The following CA10 variants were observed in gnomAD, a reference collection of about 807,000 sequenced individuals.
CA10 encodes the protein carbonic anhydrase-related protein 10.
CA10 carries 14 observed loss-of-function variants against 44.2 expected under a neutral mutation model. That is an observed-to-expected ratio of 0.32 (90% CI 0.21 to 0.50). The LOEUF (loss-of-function observed/expected upper bound fraction) is 0.50. Among genes scored for constraint, CA10 ranks in the 20% least tolerant of loss-of-function variants. The pLI is 0.99. For synonymous variants in CA10, 159 were observed against 141.6 expected (o/e 1.12, Z -0.87); for missense variants, 350 against 409.7 (o/e 0.85, Z 1.26).
chr17:51,936,767 T>A (rs1982885218), intron 2 of CA10, among the ~76,000 whole-genome samples: 1 of 152,130 alleles, frequency 6.6e-6, no homozygotes, highest in Admixed American at 6.5e-5. Context: ...GGTATCTGCC[T>A]CAGATGGAAC....
At chr17:51,776,499 A>G (rs541442393) in intron 3 of CA10, among the ~76,000 whole-genome samples, 1 of 152,336 alleles carries the variant, frequency 6.6e-6, no homozygotes, top group Non-Finnish European at 1.5e-5. Flanking sequence ...GATCATTTCA[A>G]CAGGTAGTCA....
chr17:51,693,245 T>TTCA (rs1393141236), intron 4 of CA10, among the ~76,000 whole-genome samples: 5 of 152,230 alleles, frequency 3.3e-5, no homozygotes, highest in Non-Finnish European at 5.9e-5. Context: ...TTCAGCTGGC[T>TTCA]TCAACTGGTT....
At chr17:51,878,918 GTGTA>G (rs1249403938) in intron 3 of CA10, among the ~76,000 whole-genome samples, 9 of 124,216 alleles carry the variant, frequency 7.2e-5, no homozygotes, top group Admixed American at 1.6e-4. Context: ...GTGTGTATGT[GTGTA>G]TGTGTGTTTG....
intron 3 of CA10, among the ~76,000 whole-genome samples, chr17:51,909,879 C>T (rs1981718317): frequency 6.6e-6 from 1 of 152,162 alleles, no homozygotes; most frequent in South Asian, 2.1e-4. Flanking sequence ...ACCACCTTCT[C>T]TATTTTCACT....
intron 3 of CA10, among the ~76,000 whole-genome samples, chr17:51,873,424 C>T (rs797017939): frequency 2.0e-5 from 3 of 152,296 alleles, no homozygotes; most frequent in African/African-American, 7.2e-5. Context: ...GTAGTTGGCA[C>T]TCAGCAATCG....
chr17:51,957,396 TAAG>T (rs919676538), intron 2 of CA10, among the ~76,000 whole-genome samples: 1 of 152,154 alleles, frequency 6.6e-6, no homozygotes, highest in Non-Finnish European at 1.5e-5. Flanking sequence ...TGTCTGCTCT[TAAG>T]AAGTTACTTG....
upstream of CA10, chr17:52,159,248 G>T (rs1186160522): frequency 6.6e-6 from 1 of 151,722 alleles, no homozygotes; most frequent in Non-Finnish European, 1.5e-5. Context: ...ACCCCTTTCC[G>T]TGCCAGTGCC....
chr17:52,149,434 A>C lies in CA10; in HGVS notation c.61+8292T>G, dbSNP rs562192686. Among the ~76,000 whole-genome samples the C allele has an allele frequency of 1.3e-4, 20 of 152,204 alleles. No homozygotes were observed. The East Asian group carries it at 3.3e-3, about 25-fold the overall frequency. Reference sequence around the variant, plus strand: ...TAATGCAAATGTAATCAAACCCCACACTGGCTATCCCGTTACCAGCCCAAT... The same window carrying C: ...TAATGCAAATGTAATCAAACCCCACCCTGGCTATCCCGTTACCAGCCCAAT... On this transcript the variant is annotated intron_variant, in intron 1 of 8. Coordinates refer to ENST00000451037, the MANE Select transcript of CA10 (RefSeq NM_020178.5).
chr17:51,981,032 G>C (rs943184969), intron 2 of CA10, among the ~76,000 whole-genome samples: 2 of 152,076 alleles, frequency 1.3e-5, no homozygotes, highest in African/African-American at 4.8e-5. Flanking sequence ...GACACCAAAT[G>C]CTGGTGAGGT....
chr17:51,771,062 T>G (rs1243092277), intron 3 of CA10, among the ~76,000 whole-genome samples: 2 of 142,138 alleles, frequency 1.4e-5, no homozygotes, highest in African/African-American at 2.7e-5. Context: ...AAGCGGAGGT[T>G]GCAGTGAGCT....
intron 2 of CA10, among the ~76,000 whole-genome samples, chr17:51,947,166 A>AG (rs1983310114): frequency 7.0e-6 from 1 of 141,970 alleles, no homozygotes; most frequent in African/African-American, 2.6e-5. Context: ...TGCTCTTTAG[A>AG]GGCCCTCAGG....
chr17:51,803,493 CA>C (rs1907014782), intron 3 of CA10, among the ~76,000 whole-genome samples: 3 of 151,472 alleles, frequency 2.0e-5, no homozygotes. Flanking sequence ...ATATAGCCAC[CA>C]AAAAAATGTC....
At chr17:51,991,932 C>G (rs1342948310) in intron 2 of CA10, among the ~76,000 whole-genome samples, 1 of 152,112 alleles carries the variant, frequency 6.6e-6, no homozygotes, top group Non-Finnish European at 1.5e-5. Context: ...CTGCGGCCCT[C>G]CATCACAGAC....
At chr17:52,045,898 C>T (rs1211939470) in intron 2 of CA10, among the ~76,000 whole-genome samples, 1 of 151,728 alleles carries the variant, frequency 6.6e-6, no homozygotes, top group East Asian at 1.9e-4. Flanking sequence ...ACAATCACAA[C>T]AGAAATGAAC....
At chr17:51,725,001 TGC>T (rs1916469152) in intron 4 of CA10, among the ~76,000 whole-genome samples, 1 of 152,234 alleles carries the variant, frequency 6.6e-6, no homozygotes, top group Admixed American at 6.5e-5. Flanking sequence ...AGTCACCATA[TGC>T]ATTCCTTATA....
At chr17:51,840,350 C>A (rs1978309293) in intron 3 of CA10, among the ~76,000 whole-genome samples, 1 of 152,136 alleles carries the variant, frequency 6.6e-6, no homozygotes. Flanking sequence ...GACATGCATT[C>A]ATTAGATATC....
chr17:51,638,619 C>T (rs1912935654), intron 6 of CA10, among the ~76,000 whole-genome samples: 1 of 152,174 alleles, frequency 6.6e-6, no homozygotes, highest in Non-Finnish European at 1.5e-5. Context: ...CTCTGACTGC[C>T]TCTTAAGTCC....
At chr17:52,025,301 T>C (rs778893849) in intron 2 of CA10, among the ~76,000 whole-genome samples, 19 of 152,034 alleles carry the variant, frequency 1.2e-4, no homozygotes, top group Admixed American at 2.0e-4. Flanking sequence ...TCCACCTGGG[T>C]TCTACTCCAC....
intron 1 of CA10, among the ~76,000 whole-genome samples, chr17:52,152,256 T>C (rs1759134395): frequency 6.6e-6 from 1 of 152,126 alleles, no homozygotes; most frequent in African/African-American, 2.4e-5. Flanking sequence ...AAAGAATCCA[T>C]TGAACCGTTG....
Sources: allele counts gnomAD v4.1 joint callset (sites outside exome capture counted in the v4.1 genomes callset), GRCh38; gene constraint gnomAD v4.1.1; transcripts MANE v1.5; gene names NCBI Gene and HGNC (gene_info 2026-07-23, HGNC 2026-07-21).